Variants in SPECC1L observed in about 807,000 individuals in gnomAD.
The protein encoded by SPECC1L is cytospin-A.
Under a neutral mutation model 116.8 loss-of-function variants are expected in SPECC1L, and 40 were observed. The ratio of observed to expected loss-of-function variants is 0.34; its 90% CI spans 0.27 to 0.45. The LOEUF (loss-of-function observed/expected upper bound fraction) is 0.45. SPECC1L is among the 20% of genes least tolerant of loss of function. The probability of loss-of-function intolerance (pLI) is 1.00; values close to 1 mark genes in which losing one functional copy is unlikely to be tolerated. For missense variants in SPECC1L, 1,110 were observed against 1,373.6 expected (o/e 0.81, Z 3.03); for synonymous variants, 504 against 500.6 (o/e 1.01, Z -0.09).
chr22:24,368,769 C>T lies in SPECC1L; in HGVS notation c.2985-449C>T, dbSNP rs1427172835. 3.3e-5 allele frequency among the ~76,000 whole-genome samples: 5 copies of T among 152,158 alleles called. No homozygotes were observed. The East Asian group carries it at 9.6e-4, about 29-fold the overall frequency. ...TCAAGTGATTCTCCTGCCTCAGCCT[C>T]CCAAGTAGCTGGGATTACAGACACC... is the stretch of plus-strand genomic sequence containing the variant. On this transcript the variant is annotated intron_variant, in intron 13 of 16. Coordinates refer to ENST00000314328, the MANE Select transcript of SPECC1L (RefSeq NM_015330.6).
At chr22:24,403,874 A>T (rs1250655219) in intron 14 of SPECC1L, among the ~76,000 whole-genome samples, 2 of 152,188 alleles carry the variant, frequency 1.3e-5, no homozygotes, top group Non-Finnish European at 2.9e-5. Context: ...CAGCTACTTG[A>T]GCAGCTGAGG....
chr22:24,365,600 A>T lies in SPECC1L; in HGVS notation c.2952A>T (p.Ala984=), dbSNP rs200056809. The T allele has an allele frequency of 4.4e-4, 715 of 1,614,136 alleles. 1 individual carries two copies. Among genetic ancestry groups the T allele is most frequent in the Non-Finnish European group, 5.6e-4 (659 of 1,180,036 alleles). The part of the protein sequence containing the change: ...PQLSLSSSPT[A]SVTPTTRSRI... Reference sequence around the variant, plus strand: ...TTTCCCTGTCCTCTTCTCCAACGGCATCTGTGACTCCCACCACCCGAAGCC... The same window carrying T: ...TTTCCCTGTCCTCTTCTCCAACGGCTTCTGTGACTCCCACCACCCGAAGCC... Residue 984 remains alanine (A), a synonymous_variant, in exon 13 of 17, where the codon GCA becomes GCT. Coordinates refer to ENST00000314328, the MANE Select transcript of SPECC1L (RefSeq NM_015330.6).
At chr22:24,390,867 CTTTTCTTTTTTTTTTTTTT>C (rs2042252799) in intron 14 of SPECC1L, among the ~76,000 whole-genome samples, 4 of 47,612 alleles carry the variant, frequency 8.4e-5, no homozygotes, top group Non-Finnish European at 1.2e-4. Flanking sequence ...TTTTTTTTTT[CTTTTCTTTTTTTTTTTTTT>C]TTTTTTTTTT....
At chr22:24,311,784 G>A in intron 3 of SPECC1L, among the ~76,000 whole-genome samples, 1 of 125,850 alleles carries the variant, frequency 7.9e-6, no homozygotes, top group Admixed American at 9.7e-5. Context: ...CAGCCTCGGT[G>A]ACAGAGTGAG....
intron 13 of SPECC1L, among the ~76,000 whole-genome samples, chr22:24,366,174 G>A (rs2041760523): frequency 6.8e-6 from 1 of 147,882 alleles, no homozygotes; most frequent in Non-Finnish European, 1.5e-5. Context: ...TGACTAGGCA[G>A]GGGATGGCAA....
intron 1 of SPECC1L, among the ~76,000 whole-genome samples, chr22:24,273,574 A>G (rs1260954965): frequency 6.6e-6 from 1 of 152,208 alleles, no homozygotes. Flanking sequence ...TAGGGAGTTC[A>G]GGAAAAAGTT....
At position 24,279,992 on chromosome 22, in the gene SPECC1L, T is replaced by C. The variant is rs548700066; in HGVS notation, c.-38+3189T>C. Among the ~76,000 whole-genome samples the C allele has an allele frequency of 3.8e-4, 58 of 152,348 alleles. 3 individuals carry two copies. In the South Asian group the frequency reaches 0.012, roughly 30 times the overall value. On this transcript the variant is annotated intron_variant, in intron 2 of 16. Coordinates refer to ENST00000314328, the MANE Select transcript of SPECC1L (RefSeq NM_015330.6). ...TCACCTTTTTCTTCCTCATTTCTTT[T>C]TTGAATTTTGCTGTCTTGAATTGAT...
intron 16 of SPECC1L, among the ~76,000 whole-genome samples, chr22:24,413,848 TC>T (rs1236387919): frequency 4.6e-5 from 7 of 152,116 alleles, no homozygotes; most frequent in Non-Finnish European, 7.3e-5. Flanking sequence ...CGTCCTGTGC[TC>T]GTCACCCATG....
chr22:24,316,836 C>T (rs2040580828), intron 4 of SPECC1L, among the ~76,000 whole-genome samples: 1 of 140,144 alleles, frequency 7.1e-6, no homozygotes, highest in Non-Finnish European at 1.6e-5. Context: ...AGGGGCTCCT[C>T]ACTTCCCAGT....
At chr22:24,400,378 T>C (rs2042450192) in intron 14 of SPECC1L, among the ~76,000 whole-genome samples, 1 of 152,256 alleles carries the variant, frequency 6.6e-6, no homozygotes, top group Admixed American at 6.5e-5. Flanking sequence ...TACTTACTCA[T>C]ATTGTGGCGT....
intron 14 of SPECC1L, among the ~76,000 whole-genome samples, chr22:24,390,881 T>A (rs972357197): frequency 8.4e-6 from 1 of 119,200 alleles, no homozygotes. Flanking sequence ...TCTTTTTTTT[T>A]TTTTTTTTTT....
rs1371807145 is a variant in SPECC1L at position 24,322,583 on chromosome 22, G to A, written c.1603G>A (p.Gly535Arg). The change falls in exon 5 of 17, where the codon GGG (glycine) becomes AGG (arginine). Residue 535 changes from glycine to arginine, a missense_variant. This residue lies in a region of SPECC1L where 575 missense variants were observed against 682.4 expected (regional missense o/e 0.84). Transcript: ENST00000314328. ...QDNKEAQEMI[G>R]ALKERSHHME... ...CAATAAGGAAGCTCAAGAAATGATA[G>A]GGGCACTCAAAGAACGCAGTCACCA... The A allele has an allele frequency of 6.2e-7, 1 of 1,614,026 alleles. No individual in the cohort carries two copies. The highest frequency in any genetic ancestry group is 8.5e-7 in the Non-Finnish European group (1 of 1,180,040).
intron 11 of SPECC1L, among the ~76,000 whole-genome samples, chr22:24,359,082 A>G (rs903317196): frequency 6.6e-6 from 1 of 152,138 alleles, no homozygotes; most frequent in East Asian, 1.9e-4. Context: ...ATTTAAAAAT[A>G]CATCTTTCCT....
At chr22:24,301,486 T>G (rs2049377938) in intron 2 of SPECC1L, among the ~76,000 whole-genome samples, 1 of 152,168 alleles carries the variant, frequency 6.6e-6, no homozygotes, top group African/African-American at 2.4e-5. Flanking sequence ...TAACCTACCT[T>G]AAACATGGTC....
intron 4 of SPECC1L, among the ~76,000 whole-genome samples, chr22:24,320,639 A>G (rs2040702468): frequency 6.6e-6 from 1 of 152,242 alleles, no homozygotes; most frequent in African/African-American, 2.4e-5. Flanking sequence ...AATGAGGCTT[A>G]TATAAGTTAA....
At chr22:24,280,124 C>G (rs2048913686) in intron 2 of SPECC1L, among the ~76,000 whole-genome samples, 1 of 152,174 alleles carries the variant, frequency 6.6e-6, no homozygotes, top group Non-Finnish European at 1.5e-5. Context: ...TCTCTCCTTC[C>G]TAGGTGCTAG....
chr22:24,402,064 T>G (rs1031140202), intron 14 of SPECC1L, among the ~76,000 whole-genome samples: 1 of 145,916 alleles, frequency 6.9e-6, no homozygotes, highest in Middle Eastern at 3.4e-3. Context: ...GGCTCCATGA[T>G]GAGCCAGGCA....
chr22:24,285,053 T>A (rs930364932), intron 2 of SPECC1L, among the ~76,000 whole-genome samples: 9 of 152,176 alleles, frequency 5.9e-5, no homozygotes, highest in African/African-American at 2.2e-4. Flanking sequence ...TGATCAAAGC[T>A]GTGGTGGTTA....
intron 4 of SPECC1L, among the ~76,000 whole-genome samples, chr22:24,315,565 C>T (rs1163023124): frequency 6.6e-6 from 1 of 152,248 alleles, no homozygotes; most frequent in African/African-American, 2.4e-5. Flanking sequence ...TTGCCATTTG[C>T]ATGTCTTCCT....
Sources: gnomAD v4.1 joint callset for allele counts (sites outside exome capture counted in the v4.1 genomes callset) on GRCh38, gnomAD v4.1.1 for gene constraint, gnomAD v4.1.1 regional missense constraint, MANE v1.5 for transcripts, NCBI Gene and HGNC (gene_info 2026-07-23, HGNC 2026-07-21) for gene names.